Variants in AK5 observed in about 807,000 individuals in gnomAD.
The protein encoded by AK5 is adenylate kinase isoenzyme 5.
In AK5, 27 loss-of-function variants were observed where a neutral mutation model predicts 69.5. The observed-to-expected ratio is 0.39, with a 90% CI of 0.29 to 0.54. The LOEUF (loss-of-function observed/expected upper bound fraction) is 0.54, where lower values mean the gene tolerates loss of function less well. Among genes scored for constraint, AK5 ranks in the 20% least tolerant of loss-of-function variants. AK5 has a pLI of 0.71. For synonymous variants in AK5, 260 were observed against 244.4 expected, an observed-to-expected ratio of 1.06 and a Z score of -0.60; for missense variants, 531 against 700.4, an observed-to-expected ratio of 0.76 and a Z score of 2.73.
At chr1:77,382,095 T>C (rs1647677551) in intron 6 of AK5, among the ~76,000 whole-genome samples, 1 of 152,132 alleles carries the variant, frequency 6.6e-6, no homozygotes, top group African/African-American at 2.4e-5. Context: ...ATAAAAAAGA[T>C]TTTCAGACAT....
intron 1 of AK5, chr1:77,283,450 G>A (rs1658178597): frequency 1.0e-6 from 1 of 985,234 alleles, no homozygotes; most frequent in African/African-American, 1.7e-5. Context: ...CGGTTTGGGG[G>A]ATTTGTTCTG....
At chr1:77,350,935 G>C (rs1010489230) in intron 6 of AK5, among the ~76,000 whole-genome samples, 2 of 152,162 alleles carry the variant, frequency 1.3e-5, no homozygotes, top group South Asian at 4.1e-4. Context: ...TTTCAAAATA[G>C]TTCATTAAGT....
chr1:77,324,590 G>T (rs1052136390), intron 5 of AK5, among the ~76,000 whole-genome samples: 2 of 151,996 alleles, frequency 1.3e-5, no homozygotes, highest in African/African-American at 4.8e-5. Flanking sequence ...CCACCTGAAT[G>T]GGGCCACACC....
chr1:77,387,821 T>A (rs909767875), intron 6 of AK5, among the ~76,000 whole-genome samples: 7 of 152,328 alleles, frequency 4.6e-5, no homozygotes, highest in African/African-American at 1.7e-4. Flanking sequence ...GGTATCTGAT[T>A]AGTAACATTT....
At chr1:77,536,593 C>T (rs1658983802) in intron 13 of AK5, among the ~76,000 whole-genome samples, 1 of 152,088 alleles carries the variant, frequency 6.6e-6, no homozygotes, top group South Asian at 2.1e-4. Flanking sequence ...CTTATAGTTG[C>T]TGAAAACAAC....
At position 77,366,701 on chromosome 1, in the gene AK5, T is replaced by C. The variant is rs186114037; in HGVS notation, c.891+26133T>C. Among the ~76,000 whole-genome samples the C allele has an allele frequency of 3.3e-3, 505 of 152,326 alleles. 6 individuals carry two copies. Among genetic ancestry groups the C allele is most frequent in the African/African-American group, 0.011 (473 of 41,574 alleles). Reference sequence around the variant, plus strand: ...GATGAATGTGTGAACATGAACCATATGTCTTAGAGTTAAACTTTCAGGAAA... The same window carrying C: ...GATGAATGTGTGAACATGAACCATACGTCTTAGAGTTAAACTTTCAGGAAA... On this transcript the variant is annotated intron_variant, in intron 6 of 13. Coordinates refer to ENST00000354567, the MANE Select transcript of AK5 (RefSeq NM_174858.3).
chr1:77,418,953 T>G (rs1449968225), intron 8 of AK5, among the ~76,000 whole-genome samples: 2 of 152,196 alleles, frequency 1.3e-5, no homozygotes, highest in African/African-American at 4.8e-5. Flanking sequence ...TATTAAGCAC[T>G]TATTACATGC....
chr1:77,455,132 C>CT (rs1479824967), intron 8 of AK5, among the ~76,000 whole-genome samples: 1 of 152,162 alleles, frequency 6.6e-6, no homozygotes, highest in Non-Finnish European at 1.5e-5. Flanking sequence ...AACTGAGACT[C>CT]TGAGTGTGAA....
At chr1:77,442,866 GA>G (rs1395044071) in intron 8 of AK5, among the ~76,000 whole-genome samples, 1 of 152,150 alleles carries the variant, frequency 6.6e-6, no homozygotes, top group Non-Finnish European at 1.5e-5. Context: ...TGTCCTCCCA[GA>G]AGCATTTTTT....
rs28560013 is a variant in AK5, at chr1:77,538,366, A to C, written c.1620+2328A>C. 9.2e-4 allele frequency among the ~76,000 whole-genome samples: 140 copies of C among 151,938 alleles called. 1 individual carries two copies. The highest frequency in any genetic ancestry group is 1.3e-3 in the African/African-American group (55 of 41,448). ...AAAAAAACAACAACAACAACAAAAA[A>C]AAAAAACATAAACAAAAGTGTTTTT... On this transcript the variant is annotated intron_variant, in intron 13 of 13. Transcript: ENST00000354567.
In AK5 at chr1:77,340,529, A is replaced by G. The variant is rs1349107636; in HGVS notation, c.852A>G (p.Pro284=). 1.2e-6 allele frequency: 2 copies of G among 1,613,976 alleles called. No individual in the cohort carries two copies. Among genetic ancestry groups the G allele is most frequent in the Non-Finnish European group, 1.7e-6 (2 of 1,179,962 alleles). The change falls in exon 6 of 14, where the codon CCA becomes CCG. Residue 284 remains proline (P), a synonymous_variant. Transcript: ENST00000354567. The part of the protein sequence containing the change: ...RLMNFKQNAA[P]LVKYFQEKGL... ...TGAACTTCAAGCAGAATGCTGCTCC[A>G]TTGGTTAAATACTTCCAGGAAAAGG...
At chr1:77,289,568 T>C (rs1055410367) in intron 2 of AK5, among the ~76,000 whole-genome samples, 2 of 152,182 alleles carry the variant, frequency 1.3e-5, no homozygotes, top group African/African-American at 4.8e-5. Flanking sequence ...AAAGCTGCTC[T>C]GACTGGGTGT....
chr1:77,524,730 A>G (rs1658178969), intron 12 of AK5, among the ~76,000 whole-genome samples: 1 of 152,158 alleles, frequency 6.6e-6, no homozygotes, highest in Admixed American at 6.6e-5. Flanking sequence ...TTGATGCACA[A>G]AAGCTTTTCA....
chr1:77,366,331 G>A (rs1343336392), intron 6 of AK5, among the ~76,000 whole-genome samples: 1 of 152,124 alleles, frequency 6.6e-6, no homozygotes, highest in African/African-American at 2.4e-5. Context: ...CCAGTGCCTA[G>A]CACATTATAA....
At chr1:77,376,433 CA>C (rs757594684) in intron 6 of AK5, among the ~76,000 whole-genome samples, 166 of 13,440 alleles carry the variant, frequency 0.012, 1 homozygote, top group African/African-American at 0.039. Flanking sequence ...CACTCAATGC[CA>C]AAAAAAAAAA....
intron 5 of AK5, among the ~76,000 whole-genome samples, chr1:77,334,278 T>G (rs964212660): frequency 1.3e-5 from 2 of 152,240 alleles, no homozygotes; most frequent in Non-Finnish European, 2.9e-5. Context: ...GTGTCATTGT[T>G]TTCTGACTTT....
chr1:77,463,152 A>G (rs1021644255), intron 8 of AK5, among the ~76,000 whole-genome samples: 1 of 152,168 alleles, frequency 6.6e-6, no homozygotes, highest in African/African-American at 2.4e-5. Flanking sequence ...ATGTTTAAGA[A>G]GGGCCCAATA....
intron 5 of AK5, among the ~76,000 whole-genome samples, chr1:77,332,417 A>G (rs1379784800): frequency 2.0e-5 from 3 of 146,920 alleles, no homozygotes; most frequent in Admixed American, 6.8e-5. Flanking sequence ...TTTTTTTACC[A>G]TTTTGACACA....
At chr1:77,369,135 A>T (rs1248498209) in intron 6 of AK5, among the ~76,000 whole-genome samples, 1 of 152,194 alleles carries the variant, frequency 6.6e-6, no homozygotes, top group Non-Finnish European at 1.5e-5. Flanking sequence ...AAAATGTTTT[A>T]TAAAAAATTA....
Sources: allele counts gnomAD v4.1 joint callset (sites outside exome capture counted in the v4.1 genomes callset), GRCh38; gene constraint gnomAD v4.1.1; transcripts MANE v1.5; gene names NCBI Gene and HGNC (gene_info 2026-07-23, HGNC 2026-07-21).